Variants in BBS9 observed in about 807,000 individuals in gnomAD.
BBS9 encodes the protein Bardet-Biedl syndrome 9.
In BBS9, 89 loss-of-function variants were observed where a neutral mutation model predicts 117.7. The ratio of observed to expected loss-of-function variants is 0.76; its 90% CI spans 0.64 to 0.90. The LOEUF (loss-of-function observed/expected upper bound fraction) is 0.90, where lower values mean the gene tolerates loss of function less well. BBS9 is among the 40% of genes least tolerant of loss of function. The pLI, the probability that BBS9 is intolerant of heterozygous loss-of-function variation, is 0.00. For synonymous variants in BBS9, 379 were observed against 370.9 expected (o/e 1.02, Z -0.25); for missense variants, 982 against 1,042.2 (o/e 0.94, Z 0.80).
chr7:33,520,036 T>C (rs1848378560), intron 20 of BBS9, among the ~76,000 whole-genome samples: 1 of 145,850 alleles, frequency 6.9e-6, no homozygotes, highest in Non-Finnish European at 1.5e-5. Flanking sequence ...TTGGATGGAG[T>C]CTTGCTCTGT....
intron 19 of BBS9, among the ~76,000 whole-genome samples, chr7:33,470,561 G>A (rs1233130752): frequency 6.6e-6 from 1 of 151,906 alleles, no homozygotes; most frequent in African/African-American, 2.4e-5. Context: ...TGATATGTAC[G>A]ATGCCAACGA....
At chr7:33,139,264 C>CA (rs1791076266) in intron 1 of BBS9, among the ~76,000 whole-genome samples, 1 of 150,892 alleles carries the variant, frequency 6.6e-6, no homozygotes, top group Non-Finnish European at 1.5e-5. Flanking sequence ...AAAACAAAAA[C>CA]AAAAAACAAA....
chr7:33,494,662 C>A (rs1280724966), intron 19 of BBS9, among the ~76,000 whole-genome samples: 1 of 152,220 alleles, frequency 6.6e-6, no homozygotes, highest in African/African-American at 2.4e-5. Context: ...TTAATGGATA[C>A]TCTTGGCTAC....
chr7:33,291,070 A>C (rs1364847569), intron 9 of BBS9, among the ~76,000 whole-genome samples: 1 of 152,160 alleles, frequency 6.6e-6, no homozygotes, highest in Non-Finnish European at 1.5e-5. Context: ...AATATCATAA[A>C]ATAATTTTTA....
intron 1 of BBS9, among the ~76,000 whole-genome samples, chr7:33,142,569 A>T (rs1393159284): frequency 6.6e-6 from 1 of 152,244 alleles, no homozygotes; most frequent in East Asian, 1.9e-4. Context: ...TTGCGAAGTC[A>T]ACACTATATA....
intron 9 of BBS9, among the ~76,000 whole-genome samples, chr7:33,305,564 T>C (rs1247569583): frequency 2.0e-5 from 3 of 152,192 alleles, no homozygotes; most frequent in African/African-American, 7.2e-5. Flanking sequence ...GAAAACTTTT[T>C]ATTACAGCTT....
intron 9 of BBS9, 69 bp from the exon 10 acceptor site, chr7:33,336,372 A>T: frequency 8.3e-7 from 1 of 1,207,686 alleles, no homozygotes; most frequent in Non-Finnish European, 1.2e-6. Flanking sequence ...ATTGAGTAAA[A>T]ATGTAGTTGG....
rs772982618 is a variant in BBS9 at position 33,336,395 on chromosome 7, C to A, written c.1017-46C>A. On this transcript the variant is annotated intron_variant, in intron 9 of 22. Transcript: ENST00000242067. ...AAAATGTAGTTGGTCAAGACTAACT[C>A]TACTGAAATTTAAAATTATGTCTCA... is the stretch of plus-strand genomic sequence containing the variant. 1.0e-5 allele frequency: 15 copies of A among 1,501,318 alleles called. No homozygotes were observed. The East Asian group carries it at 3.4e-4, about 34-fold the overall frequency. 93.0% of individuals were successfully genotyped at this position (1,501,318 alleles called of 1,614,324 possible).
intron 19 of BBS9, among the ~76,000 whole-genome samples, chr7:33,441,784 TGTG>T (rs1393319818): frequency 6.6e-6 from 1 of 152,194 alleles, no homozygotes; most frequent in Non-Finnish European, 1.5e-5. Context: ...CTTGGACTCT[TGTG>T]GAGCTCAGAA....
In BBS9 at chr7:33,223,557, C is replaced by T. The variant is rs76139049; in HGVS notation, c.443-33679C>T. The stretch of plus-strand genomic sequence containing the variant: ...ATGCTTCACTTTTTGGGGAGAGGGC[C>T]TTGAAACCAATTACACCTACCTTCC... On this transcript the variant is annotated intron_variant, in intron 5 of 22. Coordinates refer to ENST00000242067, the MANE Select transcript of BBS9 (RefSeq NM_198428.3). 7.2e-3 allele frequency among the ~76,000 whole-genome samples: 1,094 copies of T among 152,276 alleles called. 12 individuals carry two copies. Among genetic ancestry groups the T allele is most frequent in the African/African-American group, 0.024 (997 of 41,556 alleles).
At chr7:33,541,814 A>G (rs912745082) in intron 21 of BBS9, among the ~76,000 whole-genome samples, 2 of 152,204 alleles carry the variant, frequency 1.3e-5, no homozygotes, top group African/African-American at 4.8e-5. Flanking sequence ...ATGAGAAGTG[A>G]TAGCTAATGA....
chr7:33,215,223 G>A (rs112834909), intron 5 of BBS9, among the ~76,000 whole-genome samples: 17 of 152,094 alleles, frequency 1.1e-4, no homozygotes, highest in African/African-American at 4.1e-4. Context: ...TGGAGGCATC[G>A]CACTACTTGA....
intron 9 of BBS9, among the ~76,000 whole-genome samples, chr7:33,306,430 A>G (rs932375630): frequency 6.6e-6 from 1 of 152,102 alleles, no homozygotes; most frequent in African/African-American, 2.4e-5. Context: ...GTTACTCAGG[A>G]CAAGAACATG....
chr7:33,143,091 T>C (rs1367688704), intron 1 of BBS9, among the ~76,000 whole-genome samples: 3 of 152,098 alleles, frequency 2.0e-5, no homozygotes, highest in Non-Finnish European at 4.4e-5. Flanking sequence ...TGCCTTAGCC[T>C]CCCGAGTAGC....
At chr7:33,541,675 G>T (rs759008953) in intron 21 of BBS9, among the ~76,000 whole-genome samples, 19 of 152,064 alleles carry the variant, frequency 1.2e-4, no homozygotes, top group Non-Finnish European at 2.4e-4. Flanking sequence ...AAAACATTAC[G>T]GTAAGCGAAA....
intron 21 of BBS9, among the ~76,000 whole-genome samples, chr7:33,588,281 G>T (rs1861294391): frequency 6.6e-6 from 1 of 152,080 alleles, no homozygotes. Flanking sequence ...GGTTCACAGA[G>T]CAGCCAGGTC....
At chr7:33,624,563 A>G (rs1220567509) in intron 21 of BBS9, among the ~76,000 whole-genome samples, 1 of 152,230 alleles carries the variant, frequency 6.6e-6, no homozygotes, top group African/African-American at 2.4e-5. Flanking sequence ...GGCATAAAGT[A>G]ATTTGCTTCA....
intron 5 of BBS9, among the ~76,000 whole-genome samples, chr7:33,245,582 G>A (rs553141555): frequency 6.6e-6 from 1 of 152,236 alleles, no homozygotes; most frequent in African/African-American, 2.4e-5. Flanking sequence ...GGGATGGAGA[G>A]GCATGGTGAA....
chr7:33,267,111 A>C (rs982636789), intron 7 of BBS9, among the ~76,000 whole-genome samples: 2 of 152,154 alleles, frequency 1.3e-5, no homozygotes, highest in African/African-American at 2.4e-5. Flanking sequence ...GTACATAAAC[A>C]TTTAAGACTG....
Sources: gnomAD v4.1 joint callset for allele counts (sites outside exome capture counted in the v4.1 genomes callset) on GRCh38, gnomAD v4.1.1 for gene constraint, MANE v1.5 for transcripts, NCBI Gene and HGNC (gene_info 2026-07-23, HGNC 2026-07-21) for gene names.